Variants in IL1RAPL2 observed in about 807,000 individuals in gnomAD.
The protein encoded by IL1RAPL2 is X-linked interleukin-1 receptor accessory protein-like 2.
IL1RAPL2 carries 3 observed loss-of-function variants against 44.1 expected under a neutral mutation model. The ratio of observed to expected loss-of-function variants is 0.07; its 90% CI spans 0.03 to 0.18. The LOEUF is 0.18. Among genes scored for constraint, IL1RAPL2 ranks in the 10% least tolerant of loss-of-function variants. IL1RAPL2 has a pLI of 1.00. For missense variants in IL1RAPL2, 391 were observed against 496.4 expected, an observed-to-expected ratio of 0.79 and a Z score of 2.02; for synonymous variants, 181 against 178.8, an observed-to-expected ratio of 1.01 and a Z score of -0.10.
At chrX:104,655,351 T>C (rs1176234366) in intron 1 of IL1RAPL2, among the ~76,000 whole-genome samples, 1 of 111,788 alleles carries the variant, frequency 8.9e-6, no homozygotes, top group East Asian at 2.8e-4. Flanking sequence ...ATTCCATCAA[T>C]ACCTAGTTTA....
intron 2 of IL1RAPL2, among the ~76,000 whole-genome samples, chrX:105,059,913 G>C (rs1247886261): frequency 8.9e-6 from 1 of 112,280 alleles, no homozygotes; most frequent in African/African-American, 3.2e-5. Flanking sequence ...TGCAATAAAC[G>C]TGGGAATGCA....
chrX:104,965,255 T>C (rs2030097057), intron 2 of IL1RAPL2, among the ~76,000 whole-genome samples: 1 of 111,483 alleles, frequency 9.0e-6, no homozygotes, highest in Non-Finnish European at 1.9e-5. Context: ...AAAAGGTATA[T>C]ATATGGCCAA....
At chrX:105,502,532 C>T (rs1267916904) in intron 6 of IL1RAPL2, among the ~76,000 whole-genome samples, 2 of 111,043 alleles carry the variant, frequency 1.8e-5, no homozygotes, top group African/African-American at 6.5e-5. Flanking sequence ...AAGCAACACA[C>T]TCATGGAAGG....
chrX:105,431,433 G>A (rs1337558625), intron 5 of IL1RAPL2, among the ~76,000 whole-genome samples: 2 of 111,355 alleles, frequency 1.8e-5, no homozygotes, highest in African/African-American at 6.5e-5. Context: ...TAGTACTGGT[G>A]TTTCAGCACC....
chrX:104,900,611 G>C (rs780143646), intron 2 of IL1RAPL2, among the ~76,000 whole-genome samples: 9 of 112,062 alleles, frequency 8.0e-5, no homozygotes, highest in African/African-American at 2.6e-4. Flanking sequence ...GTTGAGCTCA[G>C]GTCTACCATG....
chrX:104,999,000 T>C (rs1569358322), intron 2 of IL1RAPL2, among the ~76,000 whole-genome samples: 1 of 111,241 alleles, frequency 9.0e-6, no homozygotes, highest in Non-Finnish European at 1.9e-5. Flanking sequence ...TGGGTCTCAC[T>C]ATGTGACCCA....
At chrX:105,435,885 C>T (rs1365375220) in intron 5 of IL1RAPL2, among the ~76,000 whole-genome samples, 2 of 110,450 alleles carry the variant, frequency 1.8e-5, no homozygotes, top group African/African-American at 6.6e-5. Flanking sequence ...CATACCGGGG[C>T]CTGTCAGAGT....
At chrX:105,228,446 G>A (rs2034038111) in intron 3 of IL1RAPL2, among the ~76,000 whole-genome samples, 1 of 111,683 alleles carries the variant, frequency 9.0e-6, no homozygotes, top group South Asian at 3.7e-4. Flanking sequence ...ATAAATGTGA[G>A]TTAGAAAAGG....
At chrX:105,026,568 A>G (rs1426720188) in intron 2 of IL1RAPL2, among the ~76,000 whole-genome samples, 1 of 111,213 alleles carries the variant, frequency 9.0e-6, no homozygotes. Context: ...AACAATCTGT[A>G]AAACAAAAAA....
At chrX:104,809,927 G>A (rs1279701853) in intron 2 of IL1RAPL2, among the ~76,000 whole-genome samples, 1 of 110,949 alleles carries the variant, frequency 9.0e-6, no homozygotes, top group African/African-American at 3.3e-5. Context: ...TATACCCAAA[G>A]GACTATAAAT....
intron 2 of IL1RAPL2, among the ~76,000 whole-genome samples, chrX:104,761,830 T>C (rs975755960): frequency 4.1e-5 from 3 of 72,547 alleles, no homozygotes; most frequent in East Asian, 4.4e-4. Flanking sequence ...TCCTTCTCCT[T>C]CTTCTCCTTC....
At chrX:104,919,618 C>T (rs766358889) in intron 2 of IL1RAPL2, among the ~76,000 whole-genome samples, 35 of 107,235 alleles carry the variant, frequency 3.3e-4, no homozygotes, top group Non-Finnish European at 5.2e-4. Context: ...GCAACCTCCC[C>T]CTCCTGGGTT....
intron 2 of IL1RAPL2, among the ~76,000 whole-genome samples, chrX:104,979,090 A>T (rs140102801): frequency 0.011 from 1,228 of 111,646 alleles, 19 homozygotes; most frequent in African/African-American, 0.037. Context: ...TAACTTTACA[A>T]TATATATTCT....
At chrX:105,450,907 A>AGTGTGT (rs747929543) in intron 5 of IL1RAPL2, among the ~76,000 whole-genome samples, 5,689 of 94,082 alleles carry the variant, frequency 0.06, 508 homozygotes, top group African/African-American at 0.2. Flanking sequence ...CTTAGGTCCG[A>AGTGTGT]GTGTGTGTGT....
chrX:105,346,097 A>T (rs1048383342), intron 5 of IL1RAPL2, among the ~76,000 whole-genome samples: 7 of 109,403 alleles, frequency 6.4e-5, no homozygotes, highest in Non-Finnish European at 1.1e-4. Flanking sequence ...AAAAATAATT[A>T]AAAAAAAACA....
At chrX:104,573,668 T>C (rs1269791785) in intron 1 of IL1RAPL2, among the ~76,000 whole-genome samples, 1 of 112,024 alleles carries the variant, frequency 8.9e-6, no homozygotes, top group Non-Finnish European at 1.9e-5. Context: ...CAGATAAAAC[T>C]CTGAAGAAGA....
intron 2 of IL1RAPL2, among the ~76,000 whole-genome samples, chrX:104,770,775 G>T (rs907500147): frequency 6.3e-5 from 7 of 111,885 alleles, no homozygotes; most frequent in Non-Finnish European, 1.3e-4. Context: ...GTGTATATGT[G>T]CAGGTTTGTT....
chrX:105,519,520 A>G (rs2036540582), intron 6 of IL1RAPL2, among the ~76,000 whole-genome samples: 1 of 111,236 alleles, frequency 9.0e-6, no homozygotes, highest in Admixed American at 9.6e-5. Flanking sequence ...CAGCAAAGTG[A>G]GGATTTTGAA....
At chrX:104,930,234 A>T (rs774815268) in intron 2 of IL1RAPL2, among the ~76,000 whole-genome samples, 6 of 111,957 alleles carry the variant, frequency 5.4e-5, no homozygotes, top group Admixed American at 9.5e-5. Flanking sequence ...TTCTTAGAAA[A>T]CCTACATTGA....
Sources: allele counts gnomAD v4.1 joint callset (sites outside exome capture counted in the v4.1 genomes callset), GRCh38; gene constraint gnomAD v4.1.1; transcripts MANE v1.5; gene names NCBI Gene and HGNC (gene_info 2026-07-23, HGNC 2026-07-21).